MAGI2: variants seen among roughly 807,000 people sequenced by gnomAD.
MAGI2 encodes the protein membrane associated guanylate kinase, WW and PDZ domain containing 2.
In MAGI2, 35 loss-of-function variants were observed where a neutral mutation model predicts 133.3. The ratio of observed to expected loss-of-function variants is 0.26; its 90% CI spans 0.20 to 0.35. MAGI2 has a LOEUF of 0.35. Ranked by LOEUF, MAGI2 falls within the 10% of genes least tolerant of loss-of-function variation. The pLI, the probability that MAGI2 is intolerant of heterozygous loss-of-function variation, is 1.00. For synonymous variants in MAGI2, 729 were observed against 710.6 expected (o/e 1.03, Z -0.41); for missense variants, 1,636 against 1,863.4 (o/e 0.88, Z 2.25).
chr7:79,093,126 C>T (rs1019413909), intron 1 of MAGI2, among the ~76,000 whole-genome samples: 1 of 151,342 alleles, frequency 6.6e-6, no homozygotes, highest in Non-Finnish European at 1.5e-5. Context: ...CCTTCAATGG[C>T]TTATTCTGGA....
chr7:79,439,874 A>C (rs1848384775), intron 1 of MAGI2, among the ~76,000 whole-genome samples: 1 of 152,094 alleles, frequency 6.6e-6, no homozygotes, highest in African/African-American at 2.4e-5. Flanking sequence ...CTTACTACTA[A>C]GCAAGTTTCT....
intron 1 of MAGI2, among the ~76,000 whole-genome samples, chr7:79,069,538 T>C (rs1814736768): frequency 7.5e-4 from 2 of 2,672 alleles, no homozygotes; most frequent in Admixed American, 5.6e-3. Flanking sequence ...CGATGGGTCT[T>C]GACTCTATCC....
intron 3 of MAGI2, among the ~76,000 whole-genome samples, chr7:78,567,237 CAGA>C (rs1801033462): frequency 1.3e-5 from 2 of 152,114 alleles, no homozygotes; most frequent in African/African-American, 4.8e-5. Context: ...TTTACCATTT[CAGA>C]AGAGAGGAAC....
intron 7 of MAGI2, among the ~76,000 whole-genome samples, chr7:78,348,961 A>G (rs752979347): frequency 1.3e-5 from 2 of 152,206 alleles, no homozygotes; most frequent in Non-Finnish European, 2.9e-5. Flanking sequence ...AGTATTTAAG[A>G]TGCACCGAAG....
At chr7:79,370,161 TA>T in intron 1 of MAGI2, among the ~76,000 whole-genome samples, 1 of 152,254 alleles carries the variant, frequency 6.6e-6, no homozygotes, top group Middle Eastern at 3.4e-3. Context: ...TTTATTTTGC[TA>T]AAAATCCCTA....
intron 20 of MAGI2, among the ~76,000 whole-genome samples, chr7:78,083,129 G>A (rs1816164990): frequency 6.6e-6 from 1 of 151,766 alleles, no homozygotes; most frequent in Non-Finnish European, 1.5e-5. Flanking sequence ...TCACAATCGG[G>A]AGAATTAATT....
At chr7:79,060,351 T>C (rs1342686814) in intron 1 of MAGI2, among the ~76,000 whole-genome samples, 1 of 152,000 alleles carries the variant, frequency 6.6e-6, no homozygotes, top group Non-Finnish European at 1.5e-5. Context: ...CATGCACATA[T>C]TTTTTTAAAA....
intron 6 of MAGI2, among the ~76,000 whole-genome samples, chr7:78,405,696 T>G (rs887419505): frequency 2.6e-5 from 4 of 152,092 alleles, no homozygotes; most frequent in Non-Finnish European, 5.9e-5. Flanking sequence ...ACTATTCATC[T>G]TAATACACTT....
intron 1 of MAGI2, among the ~76,000 whole-genome samples, chr7:79,449,799 T>C (rs1483785421): frequency 6.6e-6 from 1 of 151,056 alleles, no homozygotes; most frequent in African/African-American, 2.4e-5. Flanking sequence ...AAAAAGATAA[T>C]TCCTTGAATT....
intron 2 of MAGI2, among the ~76,000 whole-genome samples, chr7:78,835,712 A>G (rs1791563688): frequency 6.6e-6 from 1 of 152,238 alleles, no homozygotes; most frequent in African/African-American, 2.4e-5. Context: ...CGTTAGCATA[A>G]GCCAGAAAGG....
intron 2 of MAGI2, among the ~76,000 whole-genome samples, chr7:78,882,086 C>CAAAAAAAAAAAAAAAAAAAAAAAA: frequency 9.6e-4 from 12 of 12,466 alleles, no homozygotes; most frequent in East Asian, 3.2e-3. Flanking sequence ...ACAACAACAA[C>CAAAAAAAAAAAAAAAAAAAAAAAA]AAAAAAAAAA....
chr7:79,329,172 GAT>G (rs1839898488), intron 1 of MAGI2, among the ~76,000 whole-genome samples: 1 of 152,192 alleles, frequency 6.6e-6, no homozygotes, highest in African/African-American at 2.4e-5. Flanking sequence ...GAAAAGTGGA[GAT>G]GAGGTAAGAA....
chr7:78,429,280 C>CTTTG (rs1799568213), intron 6 of MAGI2, among the ~76,000 whole-genome samples: 2 of 151,664 alleles, frequency 1.3e-5, no homozygotes, highest in African/African-American at 4.9e-5. Flanking sequence ...TTTCTCTGGT[C>CTTTG]TTTGGTGCTA....
At chr7:78,111,991 G>C (rs559975865) in intron 20 of MAGI2, among the ~76,000 whole-genome samples, 1 of 152,306 alleles carries the variant, frequency 6.6e-6, no homozygotes, top group South Asian at 2.1e-4. Flanking sequence ...TATTTCTCTA[G>C]ACAGGCTGCT....
chr7:78,669,548 G>A (rs371217953), intron 2 of MAGI2, among the ~76,000 whole-genome samples: 3 of 152,046 alleles, frequency 2.0e-5, no homozygotes, highest in East Asian at 1.9e-4. Flanking sequence ...AGAAAAAGAG[G>A]GAATCCTCCC....
chr7:78,434,836 T>C (rs1042712011), intron 6 of MAGI2, among the ~76,000 whole-genome samples: 11 of 152,092 alleles, frequency 7.2e-5, no homozygotes, highest in African/African-American at 2.7e-4. Flanking sequence ...AAAATAATCT[T>C]TGAAGCAAAA....
intron 1 of MAGI2, among the ~76,000 whole-genome samples, chr7:79,047,271 C>A (rs998861608): frequency 6.6e-6 from 1 of 151,974 alleles, no homozygotes; most frequent in Non-Finnish European, 1.5e-5. Context: ...ACTCATTTTA[C>A]AATAAAATAA....
chr7:79,279,773 A>C (rs1448768367), intron 1 of MAGI2, among the ~76,000 whole-genome samples: 1 of 152,240 alleles, frequency 6.6e-6, no homozygotes, highest in East Asian at 1.9e-4. Context: ...CATTTGATTT[A>C]ACTTCTTCAG....
At chr7:78,976,722 AAC>A (rs1554318186) in intron 2 of MAGI2, among the ~76,000 whole-genome samples, 4 of 151,392 alleles carry the variant, frequency 2.6e-5, no homozygotes, top group African/African-American at 9.7e-5. Context: ...ACAAAAAAAA[AAC>A]AAAAACAAAA....
Sources: gnomAD v4.1 joint callset for allele counts (sites outside exome capture counted in the v4.1 genomes callset) on GRCh38, gnomAD v4.1.1 for gene constraint, MANE v1.5 for transcripts, NCBI Gene and HGNC (gene_info 2026-07-23, HGNC 2026-07-21) for gene names.